The following NCKAP5 variants were observed in gnomAD, a reference collection of about 807,000 sequenced individuals.
The protein encoded by NCKAP5 is nck-associated protein 5.
A neutral mutation model predicts 167.0 loss-of-function variants in NCKAP5; 92 were observed. That is an observed-to-expected ratio of 0.55 (90% CI 0.47 to 0.66). The LOEUF (loss-of-function observed/expected upper bound fraction) is 0.66, where lower values mean the gene tolerates loss of function less well. NCKAP5 is among the 30% of genes least tolerant of loss of function. The probability of loss-of-function intolerance (pLI) is 0.00; values close to 1 mark genes in which losing one functional copy is unlikely to be tolerated. For synonymous variants in NCKAP5, 891 were observed against 877.4 expected (o/e 1.02, Z -0.27); for missense variants, 2,378 against 2,315.0 (o/e 1.03, Z -0.56).
At chr2:133,048,784 A>G (rs2079498298) in intron 6 of NCKAP5, among the ~76,000 whole-genome samples, 3 of 152,176 alleles carry the variant, frequency 2.0e-5, no homozygotes, top group South Asian at 2.1e-4. Flanking sequence ...GGGCTTTTCA[A>G]TTTCTAAGAT....
At chr2:132,927,177 A>G (rs1695969027) in intron 8 of NCKAP5, among the ~76,000 whole-genome samples, 1 of 152,142 alleles carries the variant, frequency 6.6e-6, no homozygotes, top group Non-Finnish European at 1.5e-5. Flanking sequence ...AGTTGGCTGT[A>G]GGTGTGTGGC....
At chr2:133,010,749 A>G (rs1206723190) in intron 6 of NCKAP5, among the ~76,000 whole-genome samples, 1 of 152,222 alleles carries the variant, frequency 6.6e-6, no homozygotes, top group Non-Finnish European at 1.5e-5. Context: ...ATTTTTTATC[A>G]TGGAATACAA....
At chr2:132,997,329 A>T (rs918803841) in intron 6 of NCKAP5, among the ~76,000 whole-genome samples, 1 of 152,170 alleles carries the variant, frequency 6.6e-6, no homozygotes. Context: ...GTACTCTAAA[A>T]ATGATTTGTG....
At chr2:132,878,571 T>C (rs1040944375) in intron 9 of NCKAP5, among the ~76,000 whole-genome samples, 2 of 151,454 alleles carry the variant, frequency 1.3e-5, no homozygotes, top group Admixed American at 6.6e-5. Context: ...AAAAGGAATA[T>C]ACAGATGCCT....
chr2:132,948,187 T>C (rs1025797540), intron 8 of NCKAP5, among the ~76,000 whole-genome samples: 1 of 152,186 alleles, frequency 6.6e-6, no homozygotes, highest in Admixed American at 6.5e-5. Flanking sequence ...TCTATCGATG[T>C]ACCCTTTCTC....
At chr2:133,653,240 T>C in the NCKAP5 span, among the ~76,000 whole-genome samples, 1 of 152,198 alleles carries the variant, frequency 6.6e-6, no homozygotes, top group Admixed American at 6.5e-5. Context: ...AATCTTCTCT[T>C]CTCTATTCTC....
intron 19 of NCKAP5, among the ~76,000 whole-genome samples, chr2:132,695,761 A>G (rs1687247873): frequency 6.6e-6 from 1 of 152,178 alleles, no homozygotes; most frequent in African/African-American, 2.4e-5. Context: ...CTCAGCCACC[A>G]TCACCCATAT....
intron 5 of NCKAP5, among the ~76,000 whole-genome samples, chr2:133,211,745 T>G (rs185669261): frequency 5.1e-4 from 77 of 152,346 alleles, no homozygotes; most frequent in African/African-American, 1.8e-3. Flanking sequence ...TACAAACGTG[T>G]GATTTTTCAT....
At chr2:133,412,249 C>T (rs1016248763) in intron 3 of NCKAP5, among the ~76,000 whole-genome samples, 9 of 152,092 alleles carry the variant, frequency 5.9e-5, no homozygotes, top group African/African-American at 1.7e-4. Flanking sequence ...TTCTGCCATG[C>T]GGGGATAATG....
intron 5 of NCKAP5, among the ~76,000 whole-genome samples, chr2:133,170,351 T>C (rs2084192515): frequency 6.6e-6 from 1 of 152,182 alleles, no homozygotes; most frequent in Non-Finnish European, 1.5e-5. Context: ...TGGGTGTTAA[T>C]AACCACAGCT....
intron 5 of NCKAP5, among the ~76,000 whole-genome samples, chr2:133,194,427 A>G (rs1322056783): frequency 6.6e-6 from 1 of 152,130 alleles, no homozygotes; most frequent in Non-Finnish European, 1.5e-5. Context: ...GGAACCAACA[A>G]GTCAGTTTCC....
chr2:133,433,425 C>G (rs1362531532), intron 3 of NCKAP5: 1 of 152,220 alleles, frequency 6.6e-6, no homozygotes, highest in Non-Finnish European at 1.5e-5. Flanking sequence ...GATACTTCCA[C>G]TGTTCCAGGG....
chr2:132,846,546 C>T (rs1688678886), intron 11 of NCKAP5, among the ~76,000 whole-genome samples: 2 of 152,192 alleles, frequency 1.3e-5, no homozygotes, highest in South Asian at 4.1e-4. Context: ...CTCAGGTGAT[C>T]CACCTGCCTC....
intron 1 of NCKAP5, among the ~76,000 whole-genome samples, chr2:133,562,802 A>G (rs1688259039): frequency 2.0e-5 from 3 of 152,184 alleles, no homozygotes; most frequent in Admixed American, 2.0e-4. Flanking sequence ...ACGGGGAAGT[A>G]CCCTGTGTAA....
intron 6 of NCKAP5, among the ~76,000 whole-genome samples, chr2:133,056,312 A>T (rs1185568602): frequency 3.9e-5 from 6 of 152,096 alleles, no homozygotes; most frequent in African/African-American, 1.4e-4. Context: ...ACCTTTCCTT[A>T]TAATCCAACA....
chr2:132,697,099 GCT>G (rs900444794), intron 19 of NCKAP5, among the ~76,000 whole-genome samples: 155 of 152,236 alleles, frequency 1.0e-3, no homozygotes, highest in African/African-American at 3.7e-3. Context: ...CATTCCCCAG[GCT>G]GGTCTCAAAC....
At chr2:132,935,189 T>C (rs1047496893) in intron 8 of NCKAP5, among the ~76,000 whole-genome samples, 1 of 152,284 alleles carries the variant, frequency 6.6e-6, no homozygotes, top group South Asian at 2.1e-4. Flanking sequence ...ATATGTTAAG[T>C]AGATTTGTAG....
chr2:132,773,940 A>G, intron 15 of NCKAP5, 46 bp from the exon 16 acceptor site: 1 of 1,533,988 alleles, frequency 6.5e-7, no homozygotes, highest in South Asian at 1.2e-5. Flanking sequence ...GTTTTATTAA[A>G]AAGATCCTTT....
chr2:133,232,683 G>C (rs375949583), intron 4 of NCKAP5, among the ~76,000 whole-genome samples: 3 of 152,260 alleles, frequency 2.0e-5, no homozygotes, highest in African/African-American at 7.2e-5. Flanking sequence ...ACAAAAGATG[G>C]ATAAGAAAGT....
Sources: allele counts gnomAD v4.1 joint callset (sites outside exome capture counted in the v4.1 genomes callset), GRCh38; gene constraint gnomAD v4.1.1; transcripts MANE v1.5; gene names NCBI Gene and HGNC (gene_info 2026-07-23, HGNC 2026-07-21).